Variants in DST observed in about 807,000 individuals in gnomAD.
The protein encoded by DST is bullous pemphigoid antigen.
In DST, 253 loss-of-function variants were observed where a neutral mutation model predicts 875.2. That is an observed-to-expected ratio of 0.29 (90% CI 0.26 to 0.32). The LOEUF (loss-of-function observed/expected upper bound fraction) is 0.32, where lower values mean the gene tolerates loss of function less well. Ranked by LOEUF, DST falls within the 10% of genes least tolerant of loss-of-function variation. The pLI, the probability that DST is intolerant of heterozygous loss-of-function variation, is 1.00. For missense variants in DST, 8,287 were observed against 9,111.6 expected (o/e 0.91, Z 3.68); for synonymous variants, 3,124 against 3,197.1 (o/e 0.98, Z 0.77).
intron 4 of DST, among the ~76,000 whole-genome samples, chr6:56,810,029 T>C (rs1032674947): frequency 5.3e-5 from 8 of 152,200 alleles, no homozygotes; most frequent in African/African-American, 1.7e-4. Flanking sequence ...CAAATTTTAG[T>C]TATAATATAT....
rs545756159 is a variant in DST, at chr6:56,569,097, T to C, written c.13879-502A>G. Among the ~76,000 whole-genome samples the C allele has an allele frequency of 2.0e-5, 3 of 151,990 alleles. No individual in the cohort carries two copies. The South Asian group carries it at 6.2e-4, about 32-fold the overall frequency. On this transcript the variant is annotated intron_variant, in intron 54 of 103. Coordinates refer to ENST00000680361, the MANE Select transcript of DST (RefSeq NM_001374736.1). ...TAGCACTTTGGAAGGCCAAGGCAGG[T>C]GGATCATGAGGTCAGGAGATCGAGA... is the stretch of plus-strand genomic sequence containing the variant.
chr6:56,465,142 T>C (rs1485531819), intron 99 of DST, among the ~76,000 whole-genome samples: 1 of 152,158 alleles, frequency 6.6e-6, no homozygotes, highest in Non-Finnish European at 1.5e-5. Context: ...CTGTATAACA[T>C]GTATAACAAT....
Position 56,954,649 on chromosome 6 carries a change from C to T in DST, c.-62G>A. ...TGGAGGGCGGCGGCACAGGCACCCGCGCTGGGCGCACGCCGGGACGGCGGG... is the reference window on the plus strand; with the variant it reads ...TGGAGGGCGGCGGCACAGGCACCCGTGCTGGGCGCACGCCGGGACGGCGGG... On this transcript the variant is annotated 5_prime_UTR_variant, in exon 1 of 104. Transcript: ENST00000680361. The T allele has an allele frequency of 8.7e-7, 1 of 1,150,324 alleles. No homozygotes were observed. The highest frequency in any genetic ancestry group is 1.1e-6 in the Non-Finnish European group (1 of 910,400). The allele number at this position is 1,150,324 out of a possible 1,614,324, so 71.3% of individuals were successfully genotyped here.
intron 2 of DST, 34 bp from the exon 3 acceptor site, chr6:56,900,655 T>C (rs1380057765): frequency 7.4e-7 from 1 of 1,355,344 alleles, no homozygotes; most frequent in East Asian, 4.6e-5. Flanking sequence ...CAAATCCAGA[T>C]TTGTATTGAG....
In DST at chr6:56,619,117, C is replaced by T. The variant is rs752171457; in HGVS notation, c.4930-4633G>A. On this transcript the variant is annotated intron_variant, in intron 36 of 103. Coordinates refer to ENST00000680361, the MANE Select transcript of DST (RefSeq NM_001374736.1). ...ATTTAATTTTTCTTTGAAAATCCTG[C>T]TCTGTTTTTGTCTGTTTATGCAAGT... 10 of 1,613,250 alleles carry T rather than the reference C, an allele frequency of 6.2e-6. No homozygotes were observed. The East Asian group carries it at 1.6e-4, about 25-fold the overall frequency.
intron 36 of DST, chr6:56,616,800 T>A: frequency 1.9e-6 from 3 of 1,614,166 alleles, no homozygotes; most frequent in Non-Finnish European, 2.5e-6. Context: ...GACAATGTCT[T>A]AGAAGAATAA....
In DST at chr6:56,504,070, C is replaced by A; in HGVS notation, c.19493G>T (p.Gly6498Val). 1 of 1,609,852 alleles carries A rather than the reference C, an allele frequency of 6.2e-7. No homozygotes were observed. Among genetic ancestry groups the A allele is most frequent in the Non-Finnish European group, 8.5e-7 (1 of 1,178,156 alleles). Residue 6498 changes from glycine (G) to valine (V), a missense_variant, in exon 78 of 104, where the codon GGT becomes GTT. Gly to Val is a moderately radical substitution (Grantham distance 109). Transcript: ENST00000680361. ...TGGAGACATTGAAGCTAATTTACCA[C>A]CTGCAATATCTACCCAGTCAAATAC... ...QAVFDWVDIAGGKLASMSPIG... is the reference protein window; with the variant it reads ...QAVFDWVDIAVGKLASMSPIG...
chr6:56,947,068 T>C (rs139376418), intron 2 of DST, among the ~76,000 whole-genome samples: 101 of 152,096 alleles, frequency 6.6e-4, no homozygotes, highest in African/African-American at 2.2e-3. Flanking sequence ...ACCTCAAAAA[T>C]ATGGTACCCA....
chr6:56,923,579 A>G (rs1465372782), intron 2 of DST, among the ~76,000 whole-genome samples: 4 of 152,120 alleles, frequency 2.6e-5, no homozygotes, highest in Admixed American at 2.0e-4. Flanking sequence ...GTTAATTCAA[A>G]TCTACAGGAT....
At chr6:56,537,097 T>C (rs2097019956) in intron 61 of DST, among the ~76,000 whole-genome samples, 157 bp from the exon 62 acceptor site, 1 of 152,204 alleles carries the variant, frequency 6.6e-6, no homozygotes, top group Admixed American at 6.5e-5. Context: ...AGCTACCTTC[T>C]GAAGAACAGA....
At position 56,469,930 on chromosome 6, in the gene DST, A is replaced by G. The variant is rs2094797621; in HGVS notation, c.22504T>C (p.Cys7502Arg). 6.2e-7 allele frequency: 1 copy of G among 1,613,424 alleles called. No individual in the cohort carries two copies. The highest frequency in any genetic ancestry group is 1.3e-5 in the African/African-American group (1 of 74,918). ...TGCTCAACTTGAAATCGCTTTGCAC[A>G]TTTACACTTAGCTACCTGCCTTGTC... Reference protein sequence around the residue: ...EVTRQVAKCKCAKRFQVEQIG... With the variant: ...EVTRQVAKCKRAKRFQVEQIG... The change falls in exon 97 of 104, where the codon TGT (cysteine) becomes CGT (arginine). Residue 7502 changes from cysteine to arginine, a missense_variant. Transcript: ENST00000680361.
chr6:56,841,361 T>A (rs13203681), intron 4 of DST, among the ~76,000 whole-genome samples: 29,880 of 152,170 alleles, frequency 0.2, 3,385 homozygotes, highest in African/African-American at 0.29. Flanking sequence ...TTTAAAAACC[T>A]TAAGTAAAAA....
At chr6:56,524,484 G>C (rs1004480007) in intron 69 of DST, among the ~76,000 whole-genome samples, 2 of 152,098 alleles carry the variant, frequency 1.3e-5, no homozygotes, top group Admixed American at 6.6e-5. Context: ...ACAGCAGTGA[G>C]GGAGAATGAG....
chr6:56,761,277 C>T (rs2099616546), intron 4 of DST, among the ~76,000 whole-genome samples: 1 of 152,162 alleles, frequency 6.6e-6, no homozygotes, highest in Non-Finnish European at 1.5e-5. Context: ...TAAGCCACTC[C>T]CAAATTCGTG....
intron 5 of DST, among the ~76,000 whole-genome samples, chr6:56,706,375 G>C (rs760376165): frequency 2.6e-5 from 4 of 151,774 alleles, no homozygotes; most frequent in Non-Finnish European, 5.9e-5. Flanking sequence ...AAGTTACAAA[G>C]GAGTTATCCA....
intron 4 of DST, among the ~76,000 whole-genome samples, chr6:56,750,132 C>T (rs1487245484): frequency 1.3e-5 from 2 of 152,150 alleles, no homozygotes; most frequent in East Asian, 3.8e-4. Flanking sequence ...GGCTTAATTC[C>T]TCTTGGTAAA....
chr6:56,564,640 G>T (rs974974218), intron 55 of DST, among the ~76,000 whole-genome samples: 1 of 152,154 alleles, frequency 6.6e-6, no homozygotes. Context: ...GGGCATCCTT[G>T]TCTTGTGCCA....
chr6:56,492,139 T>TAAAAGTACA (rs1178266423), intron 85 of DST, 88 bp downstream of exon 85: 15 of 1,179,582 alleles, frequency 1.3e-5, no homozygotes, highest in Admixed American at 8.1e-5. Context: ...TAATACAGCC[T>TAAAAGTACA]GTGATAAAAG....
intron 4 of DST, among the ~76,000 whole-genome samples, chr6:56,787,376 C>T (rs13204466): frequency 0.12 from 18,634 of 152,158 alleles, 1,583 homozygotes; most frequent in Non-Finnish European, 0.19. Flanking sequence ...TAGCCAGGGC[C>T]GCTCAAACAG....
Sources: allele counts gnomAD v4.1 joint callset (sites outside exome capture counted in the v4.1 genomes callset), GRCh38; gene constraint gnomAD v4.1.1; transcripts MANE v1.5; gene names NCBI Gene and HGNC (gene_info 2026-07-23, HGNC 2026-07-21).